SCAPER: variants seen among roughly 807,000 people sequenced by gnomAD.
The protein encoded by SCAPER is S phase cyclin A-associated protein in the endoplasmic reticulum.
In SCAPER, 98 loss-of-function variants were observed where a neutral mutation model predicts 182.2. The ratio of observed to expected loss-of-function variants is 0.54; its 90% CI spans 0.46 to 0.64. The LOEUF (loss-of-function observed/expected upper bound fraction) is 0.64, where lower values mean the gene tolerates loss of function less well. Ranked by LOEUF, SCAPER falls within the 30% of genes least tolerant of loss-of-function variation. The probability of loss-of-function intolerance (pLI) is 0.00; values close to 1 mark genes in which losing one functional copy is unlikely to be tolerated. For missense variants in SCAPER, 1,432 were observed against 1,690.0 expected (o/e 0.85, Z 2.68); for synonymous variants, 605 against 564.6 (o/e 1.07, Z -1.01).
rs1285742229 is a variant in SCAPER at position 76,366,766 on chromosome 15, A to G, written c.3855+9396T>C. Among the ~76,000 whole-genome samples, 10 of 152,142 alleles carry G rather than the reference A, an allele frequency of 6.6e-5. No individual in the cohort carries two copies. In the East Asian group the frequency reaches 1.9e-3, roughly 29 times the overall value. ...CTATAGCCCAAGGTGGTGAGTGGAG[A>G]TTCTCCTTCACTGCCTTCCAGACAA... On this transcript the variant is annotated intron_variant, in intron 29 of 31. Transcript: ENST00000563290.
intron 14 of SCAPER, among the ~76,000 whole-genome samples, chr15:76,755,000 AAATT>A (rs2062330250): frequency 6.6e-6 from 1 of 152,064 alleles, no homozygotes; most frequent in Non-Finnish European, 1.5e-5. Flanking sequence ...GTTGCCATTA[AAATT>A]AATTGAAGGG....
intron 23 of SCAPER, among the ~76,000 whole-genome samples, chr15:76,540,503 A>G (rs2044637992): frequency 6.6e-6 from 1 of 152,172 alleles, no homozygotes. Flanking sequence ...TGAAAAGAAA[A>G]AACTATATAT....
At chr15:76,624,300 A>G (rs62026888) in intron 21 of SCAPER, among the ~76,000 whole-genome samples, 2,897 of 152,296 alleles carry the variant, frequency 0.019, 38 homozygotes, top group Non-Finnish European at 0.029. Context: ...TACAATGGCC[A>G]CACATACACA....
chr15:76,460,594 CA>C (rs1265582969), intron 25 of SCAPER, among the ~76,000 whole-genome samples: 2 of 151,934 alleles, frequency 1.3e-5, no homozygotes, highest in African/African-American at 4.8e-5. Flanking sequence ...CTATTTTTTA[CA>C]AAAAAATGTT....
intron 22 of SCAPER, among the ~76,000 whole-genome samples, chr15:76,599,010 A>C (rs924678333): frequency 8.3e-6 from 1 of 120,656 alleles, no homozygotes; most frequent in African/African-American, 2.5e-5. Flanking sequence ...GCATAAGGTT[A>C]CCTGCTAGAT....
intron 23 of SCAPER, among the ~76,000 whole-genome samples, chr15:76,532,888 G>GC (rs2043797812): frequency 5.3e-5 from 8 of 152,080 alleles, no homozygotes; most frequent in African/African-American, 1.4e-4. Context: ...TGAATGCTAG[G>GC]GTTCTACAGC....
chr15:76,689,946 T>C (rs1849966111), intron 20 of SCAPER, among the ~76,000 whole-genome samples: 1 of 99,280 alleles, frequency 1.0e-5, no homozygotes, highest in African/African-American at 3.7e-5. Context: ...AAAGTCCATC[T>C]GATATAAAAA....
chr15:76,402,969 C>T (rs968227557), intron 27 of SCAPER, among the ~76,000 whole-genome samples: 4 of 152,114 alleles, frequency 2.6e-5, no homozygotes, highest in Non-Finnish European at 4.4e-5. Context: ...CTGAAGCCCA[C>T]AGACTGTAAA....
chr15:76,605,621 T>C (rs2050318461), intron 22 of SCAPER, among the ~76,000 whole-genome samples: 2 of 152,212 alleles, frequency 1.3e-5, no homozygotes, highest in African/African-American at 2.4e-5. Flanking sequence ...TTTGTACCTC[T>C]GGTAGAATTC....
At chr15:76,577,069 A>G (rs2047884220) in intron 22 of SCAPER, 1 of 152,062 alleles carries the variant, frequency 6.6e-6, no homozygotes, top group Non-Finnish European at 1.5e-5. Context: ...GAGTGTTTGC[A>G]CCACCCCTCT....
chr15:76,475,200 C>T (rs1449003499), intron 24 of SCAPER, among the ~76,000 whole-genome samples: 2 of 152,056 alleles, frequency 1.3e-5, no homozygotes, highest in African/African-American at 4.8e-5. Context: ...GGTATTTGTA[C>T]TTCTAGTCTT....
In SCAPER at chr15:76,559,879, C is replaced by T. The variant is rs193281020; in HGVS notation, c.2838+14279G>A. Among the ~76,000 whole-genome samples, 356 of 151,954 alleles carry T rather than the reference C, an allele frequency of 2.3e-3. 2 individuals are homozygous for T. The highest frequency in any genetic ancestry group is 8.2e-3 in the African/African-American group (338 of 41,428). On this transcript the variant is annotated intron_variant, in intron 23 of 31. Transcript: ENST00000563290. ...AAGTAACAAACCTGCATATATGCCCCTAAAACTAAAAGTTAAAGAGAAACA... is the reference window on the plus strand; with the variant it reads ...AAGTAACAAACCTGCATATATGCCCTTAAAACTAAAAGTTAAAGAGAAACA...
intron 9 of SCAPER, 47 bp downstream of exon 9, chr15:76,774,808 C>T (rs759232754): frequency 1.3e-6 from 2 of 1,555,114 alleles, no homozygotes; most frequent in East Asian, 2.2e-5. Context: ...CACATGTACA[C>T]ATACACCTTT....
At chr15:76,455,623 C>T (rs1318193694) in intron 25 of SCAPER, among the ~76,000 whole-genome samples, 1 of 152,154 alleles carries the variant, frequency 6.6e-6, no homozygotes, top group Non-Finnish European at 1.5e-5. Context: ...TATAGATGTA[C>T]ACCACCACAC....
intron 31 of SCAPER, chr15:76,350,759 C>T (rs989401211): frequency 6.6e-6 from 1 of 152,320 alleles, no homozygotes; most frequent in Admixed American, 6.5e-5. Context: ...GACTTTTTCT[C>T]CATGTAAAAC....
At chr15:76,633,576 G>T (rs2053336166) in intron 21 of SCAPER, among the ~76,000 whole-genome samples, 1 of 152,202 alleles carries the variant, frequency 6.6e-6, no homozygotes, top group African/African-American at 2.4e-5. Context: ...CCTCCTAGGG[G>T]CTCCTCTCAG....
intron 29 of SCAPER, among the ~76,000 whole-genome samples, chr15:76,364,895 CTT>C (rs1017711829): frequency 1.3e-5 from 2 of 152,068 alleles, no homozygotes; most frequent in African/African-American, 4.8e-5. Flanking sequence ...AGTCTTAGCT[CTT>C]GTTTCTCCTA....
intron 24 of SCAPER, among the ~76,000 whole-genome samples, chr15:76,491,712 AC>A (rs1248557981): frequency 6.6e-6 from 1 of 151,850 alleles, no homozygotes; most frequent in Non-Finnish European, 1.5e-5. Flanking sequence ...GCTCACTGCA[AC>A]CCCCGCCTCC....
chr15:76,392,795 A>G (rs1327508408), intron 27 of SCAPER, among the ~76,000 whole-genome samples: 7 of 152,208 alleles, frequency 4.6e-5, no homozygotes, highest in Non-Finnish European at 4.4e-5. Context: ...GCTCTTCAAC[A>G]TAATATTACA....
Sources: allele counts gnomAD v4.1 joint callset (sites outside exome capture counted in the v4.1 genomes callset), GRCh38; gene constraint gnomAD v4.1.1; transcripts MANE v1.5; gene names NCBI Gene and HGNC (gene_info 2026-07-23, HGNC 2026-07-21).